SYN1: variants seen among roughly 807,000 people sequenced by gnomAD.
The protein encoded by SYN1 is synapsin I.
A neutral mutation model predicts 44.6 loss-of-function variants in SYN1; 8 were observed. The ratio of observed to expected loss-of-function variants is 0.18; its 90% CI spans 0.11 to 0.32. SYN1 has a LOEUF of 0.32. SYN1 is among the 10% of genes least tolerant of loss of function. SYN1 has a pLI of 1.00. For missense variants in SYN1, 451 were observed against 639.4 expected, an observed-to-expected ratio of 0.71 and a Z score of 3.18; for synonymous variants, 275 against 280.1, an observed-to-expected ratio of 0.98 and a Z score of 0.18.
At chrX:47,592,428 A>G (rs1330906416) in intron 5 of SYN1, among the ~76,000 whole-genome samples, 1 of 111,405 alleles carries the variant, frequency 9.0e-6, no homozygotes, top group Non-Finnish European at 1.9e-5. Context: ...GTGGGCTGGG[A>G]GTATGAGTCC....
intron 5 of SYN1, among the ~76,000 whole-genome samples, chrX:47,591,730 A>T (rs754486373): frequency 9.1e-6 from 1 of 109,775 alleles, no homozygotes; most frequent in African/African-American, 3.3e-5. Flanking sequence ...CAAAAAAAAA[A>T]AAAAGTTAGT....
chrX:47,596,453 C>T (rs2057863912), intron 5 of SYN1, among the ~76,000 whole-genome samples: 1 of 112,375 alleles, frequency 8.9e-6, no homozygotes, highest in Non-Finnish European at 1.9e-5. Flanking sequence ...CTCTGGCTGA[C>T]CTCAAAACTC....
chrX:47,573,048 G>GGGAA (rs1349139487), intron 12 of SYN1, 49 bp from the exon 13 acceptor site: 4 of 1,189,896 alleles, frequency 3.4e-6, no homozygotes, highest in African/African-American at 3.5e-5. Flanking sequence ...AAGAGGAAGG[G>GGGAA]GAGGAAGGGG....
At chrX:47,600,313 T>C (rs958667549) in intron 5 of SYN1, among the ~76,000 whole-genome samples, 2 of 110,673 alleles carry the variant, frequency 1.8e-5, no homozygotes, top group Non-Finnish European at 3.8e-5. Context: ...CACTTCAGCC[T>C]CCTGAGTAGC....
chrX:47,592,533 A>G (rs1211134626), intron 5 of SYN1, among the ~76,000 whole-genome samples: 1 of 110,719 alleles, frequency 9.0e-6, no homozygotes, highest in African/African-American at 3.3e-5. Flanking sequence ...AGCTCTAGAT[A>G]TAAGTTTGTA....
At chrX:47,599,442 A>G (rs760154305) in intron 5 of SYN1, among the ~76,000 whole-genome samples, 45 of 113,004 alleles carry the variant, frequency 4.0e-4, no homozygotes, top group Non-Finnish European at 5.6e-4. Flanking sequence ...CATCAGAATC[A>G]TCTGAATCAT....
intron 5 of SYN1, chrX:47,585,016 G>C: frequency 8.3e-7 from 1 of 1,209,257 alleles, no homozygotes; most frequent in Non-Finnish European, 1.1e-6. Flanking sequence ...GATGACCAAG[G>C]TATCCCCTGC....
At chrX:47,588,766 G>T (rs755801161) in intron 5 of SYN1, among the ~76,000 whole-genome samples, 1 of 111,961 alleles carries the variant, frequency 8.9e-6, no homozygotes, top group Admixed American at 9.5e-5. Flanking sequence ...ATCTCTGGGA[G>T]AGACTCTGTG....
Position 47,585,227 on chromosome X carries a change from T to C in SYN1, c.775-7726A>G, listed in dbSNP as rs1190276304. 5.8e-6 allele frequency: 7 copies of C among 1,197,119 alleles called. No individual in the cohort carries two copies. The highest frequency in any genetic ancestry group is 7.9e-6 in the Non-Finnish European group (7 of 887,601). On this transcript the variant is annotated intron_variant, in intron 5 of 12. Coordinates refer to ENST00000295987, the MANE Select transcript of SYN1 (RefSeq NM_006950.3). ...CAGATGTATAAAGGGTTCCAAGCCT[T>C]AGGGGATGCCGCTGACATCCGGTTC...
Position 47,619,518 on chromosome X carries a change from A to C in SYN1, c.211T>G (p.Ser71Ala). The C allele has an allele frequency of 8.3e-7, 1 of 1,198,502 alleles. No individual in the cohort carries two copies. Among genetic ancestry groups the C allele is most frequent in the East Asian group, 3.0e-5 (1 of 33,489 alleles). The change falls in exon 1 of 13, where the codon TCG becomes GCG. Residue 71 changes from serine (S) to alanine (A), a missense_variant. Ser to Ala is a moderately conservative substitution (Grantham distance 99). Around this residue, in one of 3 missense-constraint regions of SYN1, gnomAD observed 315 missense variants for 451.4 expected, o/e 0.70. Coordinates refer to ENST00000295987, the MANE Select transcript of SYN1 (RefSeq NM_006950.3). ...GACGAGAAGAAGCCACCGCCCCCCGAGGACCCGGGGCTAGGGGCGGCCGGA... is the reference window on the plus strand; with the variant it reads ...GACGAGAAGAAGCCACCGCCCCCCGCGGACCCGGGGCTAGGGGCGGCCGGA... ...ASPAAPSPGSSGGGGFFSSLS... is the reference protein window; with the variant it reads ...ASPAAPSPGSAGGGGFFSSLS...
intron 6 of SYN1, 77 bp from the exon 7 acceptor site, chrX:47,576,717 T>G (rs1455567673): frequency 6.9e-6 from 8 of 1,160,746 alleles, no homozygotes; most frequent in Admixed American, 2.2e-5. Flanking sequence ...TGGGGGAGCA[T>G]GTATACATGA....
At chrX:47,606,751 A>ATATATTTT (rs1345170011) in intron 3 of SYN1, among the ~76,000 whole-genome samples, 194 bp downstream of exon 3, 24 of 93,241 alleles carry the variant, frequency 2.6e-4, no homozygotes, top group African/African-American at 9.7e-4. Flanking sequence ...ATATATATAT[A>ATATATTTT]TTTTTTTTTA....
At chrX:47,573,056 G>A (rs1306071390) in intron 12 of SYN1, 57 bp from the exon 13 acceptor site, 1 of 1,188,426 alleles carries the variant, frequency 8.4e-7, no homozygotes, top group Non-Finnish European at 1.1e-6. Context: ...GGGGAGGAAG[G>A]GGAGAGAAAC....
rs1449578745 is a variant in SYN1 at position 47,606,749 on chromosome X, A to ATT, written c.527+195_527+196insAA. 1.4e-3 allele frequency among the ~76,000 whole-genome samples: 143 copies of ATT among 98,928 alleles called. 1 individual carries two copies. Among genetic ancestry groups the ATT allele is most frequent in the East Asian group, 9.0e-3 (29 of 3,217 alleles). The allele number at this position is 98,928 out of a possible 115,157, so 85.9% of individuals were successfully genotyped here. A position where few individuals can be genotyped will look rare whatever the true frequency, so the allele number is the denominator to read the frequency against. On this transcript the variant is annotated intron_variant, in intron 3 of 12. Coordinates refer to ENST00000295987, the MANE Select transcript of SYN1 (RefSeq NM_006950.3). The stretch of plus-strand genomic sequence containing the variant: ...GTCTGAAATATATATATATATATAT[A>ATT]TATTTTTTTTTAAAGTCTGACTTGT...
At chrX:47,607,300 C>A in intron 1 of SYN1, 102 bp from the exon 2 acceptor site, 1 of 662,284 alleles carries the variant, frequency 1.5e-6, no homozygotes, top group Non-Finnish European at 2.4e-6. Context: ...ACTAAAGAAA[C>A]CACAAAGTGC....
Position 47,573,006 on chromosome X carries a change from AG to A in SYN1, c.1983-8del. The A allele has an allele frequency of 1.7e-6, 2 of 1,210,383 alleles. No homozygotes were observed. Among genetic ancestry groups the A allele is most frequent in the Non-Finnish European group, 2.2e-6 (2 of 894,926 alleles). ...GGTCAGAGACTGGGATTTGCTAGAGAGAGACAAGGTGGAGGCGTGGGAGGAA... is the reference window on the plus strand; with the variant it reads ...GGTCAGAGACTGGGATTTGCTAGAGAAGACAAGGTGGAGGCGTGGGAGGAA... On this transcript the variant is annotated splice_polypyrimidine_tract_variant and splice_region_variant and intron_variant, in intron 12 of 12. Transcript: ENST00000295987.
chrX:47,598,961 C>T (rs1445076015), intron 5 of SYN1, among the ~76,000 whole-genome samples: 2 of 110,843 alleles, frequency 1.8e-5, no homozygotes, highest in East Asian at 5.6e-4. Flanking sequence ...GTTGAGGCTG[C>T]AATGAGCCAT....
chrX:47,604,704 T>C (rs2057890959), intron 5 of SYN1: 6 of 365,081 alleles, frequency 1.6e-5, no homozygotes, highest in Non-Finnish European at 2.4e-5. Flanking sequence ...ACATTAATTC[T>C]GTCAATTCAC....
chrX:47,575,134 A>T lies in SYN1; in HGVS notation c.1299T>A (p.His433Gln). The T allele has an allele frequency of 8.4e-7, 1 of 1,189,209 alleles. No homozygotes were observed. The highest frequency in any genetic ancestry group is 3.1e-5 in the East Asian group (1 of 32,411). ...TCAGCGCCAGGGGCCTGACCTGGCCATGGGAGCCCCTGCCAGGGGAGGCAT... is the reference window on the plus strand; with the variant it reads ...TCAGCGCCAGGGGCCTGACCTGGCCTTGGGAGCCCCTGCCAGGGGAGGCAT... Reference protein sequence around the residue: ...QRDASPGRGSHGQTPSPGALP... With the variant: ...QRDASPGRGSQGQTPSPGALP... Residue 433 changes from histidine to glutamine, a missense_variant, in exon 10 of 13, where the codon CAT becomes CAA. Around this residue, in one of 3 missense-constraint regions of SYN1, gnomAD observed 315 missense variants for 451.4 expected, o/e 0.70. Coordinates refer to ENST00000295987, the MANE Select transcript of SYN1 (RefSeq NM_006950.3).
Sources: allele counts gnomAD v4.1 joint callset (sites outside exome capture counted in the v4.1 genomes callset), GRCh38; gene constraint gnomAD v4.1.1; regional missense constraint gnomAD v4.1.1; transcripts MANE v1.5; gene names NCBI Gene and HGNC (gene_info 2026-07-23, HGNC 2026-07-21).